Variants in DHRSX observed in about 807,000 individuals in gnomAD.
The protein encoded by DHRSX is dehydrogenase/reductase X-linked, also known as polyprenol dehydrogenase.
DHRSX carries 31 observed loss-of-function variants against 34.0 expected under a neutral mutation model. The ratio of observed to expected loss-of-function variants is 0.91; its 90% CI spans 0.69 to 1.23. DHRSX has a LOEUF of 1.23. Among genes scored for constraint, DHRSX ranks in the 50% most tolerant of loss-of-function variants. The pLI is 0.00. For missense variants in DHRSX, 414 were observed against 428.1 expected (o/e 0.97, Z 0.29); for synonymous variants, 201 against 183.8 (o/e 1.09, Z -0.76).
intron 3 of DHRSX, among the ~76,000 whole-genome samples, chrX:2,294,706 G>A (rs375727553): frequency 3.3e-5 from 5 of 150,668 alleles, no homozygotes; most frequent in East Asian, 1.9e-4. Context: ...GAGAGAGAGC[G>A]TGACAAACAC....
chrX:2,304,621 T>C (rs1482404953), intron 3 of DHRSX, among the ~76,000 whole-genome samples: 1 of 152,058 alleles, frequency 6.6e-6, no homozygotes, highest in East Asian at 1.9e-4. Context: ...TGCACCTCTG[T>C]CTCTCCTTCT....
chrX:2,381,338 A>C (rs2043200065), intron 3 of DHRSX, among the ~76,000 whole-genome samples: 1 of 152,180 alleles, frequency 6.6e-6, no homozygotes, highest in Non-Finnish European at 1.5e-5. Context: ...AAGAGTGAGA[A>C]GGCACCGTCT....
intron 4 of DHRSX, among the ~76,000 whole-genome samples, chrX:2,276,688 C>A (rs186054216): frequency 6.7e-6 from 1 of 148,584 alleles, no homozygotes; most frequent in African/African-American, 2.5e-5. Context: ...GCTCTCCAAG[C>A]GGAGAACTCC....
At chrX:2,339,736 C>G (rs899776589) in intron 3 of DHRSX, among the ~76,000 whole-genome samples, 2 of 151,994 alleles carry the variant, frequency 1.3e-5, no homozygotes, top group Admixed American at 1.3e-4. Flanking sequence ...TCCATGGTGT[C>G]TATGTGCCAC....
intron 1 of DHRSX, among the ~76,000 whole-genome samples, chrX:2,425,873 T>C (rs2043839721): frequency 6.6e-6 from 1 of 152,064 alleles, no homozygotes; most frequent in Admixed American, 6.6e-5. Flanking sequence ...GAGCTCTCAC[T>C]GTGGTTTCCA....
intron 1 of DHRSX, among the ~76,000 whole-genome samples, chrX:2,495,136 C>CTATTAT (rs199925971): frequency 1.3e-5 from 2 of 149,580 alleles, no homozygotes; most frequent in African/African-American, 4.9e-5. Context: ...ATCATTATTA[C>CTATTAT]TATTATTATT....
At chrX:2,475,875 C>T (rs1017707993) in intron 1 of DHRSX, among the ~76,000 whole-genome samples, 8 of 152,160 alleles carry the variant, frequency 5.3e-5, no homozygotes, top group Admixed American at 5.2e-4. Flanking sequence ...GCTAGGAGAG[C>T]CACGGAAAGA....
At chrX:2,258,118 C>T (rs1328690001) in intron 5 of DHRSX, among the ~76,000 whole-genome samples, 1 of 151,982 alleles carries the variant, frequency 6.6e-6, no homozygotes, top group African/African-American at 2.4e-5. Context: ...AGGAACCAGC[C>T]CTGCTCACAC....
At position 2,330,158 on chromosome X, in the gene DHRSX, GGAGGAGGAGGTGAAA is replaced by G. The variant is rs1464371250; in HGVS notation, c.287-38570_287-38556del. ...AGGAAGGAGGAGGAGGAGAAAGGAAGGAGGAGGAGGTGAAAGAGGAGGAGGAGAAGCAGGAGGAGG... is the reference window on the plus strand; with the variant it reads ...AGGAAGGAGGAGGAGGAGAAAGGAAGGAGGAGGAGGAGAAGCAGGAGGAGG... On this transcript the variant is annotated intron_variant, in intron 3 of 6. Coordinates refer to ENST00000334651, the MANE Select transcript of DHRSX (RefSeq NM_145177.3). Among the ~76,000 whole-genome samples, 479 of 134,262 alleles carry G rather than the reference GGAGGAGGAGGTGAAA, an allele frequency of 3.6e-3. 2 individuals carry two copies. Among genetic ancestry groups the G allele is most frequent in the Non-Finnish European group, 6.3e-3 (392 of 62,512 alleles). The allele number at this position is 134,262 out of a possible 152,430, so 88.1% of individuals were successfully genotyped here.
intron 5 of DHRSX, among the ~76,000 whole-genome samples, chrX:2,257,567 A>G (rs909157826): frequency 3.9e-5 from 6 of 152,164 alleles, no homozygotes; most frequent in African/African-American, 1.4e-4. Flanking sequence ...CCAGATTCCT[A>G]TGAAGTTCTA....
intron 5 of DHRSX, among the ~76,000 whole-genome samples, chrX:2,257,917 A>G (rs1183189570): frequency 2.0e-5 from 3 of 152,104 alleles, no homozygotes; most frequent in African/African-American, 7.2e-5. Context: ...ATGAGCCACC[A>G]TGCCCGGCCG....
At chrX:2,317,608 G>A (rs1437329654) in intron 3 of DHRSX, among the ~76,000 whole-genome samples, 1 of 151,508 alleles carries the variant, frequency 6.6e-6, no homozygotes, top group Non-Finnish European at 1.5e-5. Context: ...GAAAAAAGCA[G>A]GCAGGAGGGA....
intron 3 of DHRSX, among the ~76,000 whole-genome samples, chrX:2,324,821 T>G (rs1255908978): frequency 2.1e-5 from 3 of 145,936 alleles, no homozygotes; most frequent in Non-Finnish European, 4.5e-5. Flanking sequence ...CAGGCTGGAG[T>G]GTAGTGGCGT....
chrX:2,310,147 T>C (rs775930075), intron 3 of DHRSX, among the ~76,000 whole-genome samples: 38 of 152,154 alleles, frequency 2.5e-4, no homozygotes, highest in Non-Finnish European at 4.3e-4. Flanking sequence ...CTTCCCGCAC[T>C]TGTGGGTAGC....
chrX:2,465,844 A>G (rs1287359655), intron 1 of DHRSX, among the ~76,000 whole-genome samples: 7 of 151,062 alleles, frequency 4.6e-5, no homozygotes, highest in Non-Finnish European at 8.8e-5. Flanking sequence ...GAAAACAGAC[A>G]TATTCATGCT....
intron 3 of DHRSX, among the ~76,000 whole-genome samples, chrX:2,400,661 G>A (rs939874983): frequency 8.5e-5 from 13 of 152,192 alleles, no homozygotes; most frequent in Non-Finnish European, 1.6e-4. Flanking sequence ...AGGCGATGAG[G>A]AGGGTGAGTA....
At chrX:2,459,106 C>G (rs2044356505) in intron 1 of DHRSX, among the ~76,000 whole-genome samples, 1 of 152,068 alleles carries the variant, frequency 6.6e-6, no homozygotes, top group East Asian at 1.9e-4. Flanking sequence ...ACGCTGCACT[C>G]CAGCCTGGGT....
chrX:2,301,939 T>C (rs2042015858), intron 3 of DHRSX, among the ~76,000 whole-genome samples: 1 of 152,000 alleles, frequency 6.6e-6, no homozygotes, highest in African/African-American at 2.4e-5. Context: ...CCCGGCCTCA[T>C]CTAGCTCTTG....
At position 2,268,190 on chromosome X, in the gene DHRSX, G is replaced by A. The variant is rs768236899; in HGVS notation, c.389-1243C>T. 3.3e-5 allele frequency among the ~76,000 whole-genome samples: 5 copies of A among 152,258 alleles called. No homozygotes were observed. In the South Asian group the frequency reaches 6.2e-4, roughly 19 times the overall value. ...AGCCCACCCCTGTCAGGCCAAGCCC[G>A]GCTGAGCGCCTGCCCTGAAGTCCTT... On this transcript the variant is annotated intron_variant, in intron 4 of 6. Transcript: ENST00000334651.
Sources: gnomAD v4.1 joint callset for allele counts (sites outside exome capture counted in the v4.1 genomes callset) on GRCh38, gnomAD v4.1.1 for gene constraint, MANE v1.5 for transcripts, NCBI Gene and HGNC (gene_info 2026-07-23, HGNC 2026-07-21) for gene names.